The following MBNL2 variants were observed in gnomAD, a reference collection of about 807,000 sequenced individuals.
MBNL2 encodes muscleblind-like protein 2.
MBNL2 carries 17 observed loss-of-function variants against 41.9 expected under a neutral mutation model. The ratio of observed to expected loss-of-function variants is 0.41; its 90% CI spans 0.28 to 0.61. MBNL2 has a LOEUF of 0.61. MBNL2 is among the 20% of genes least tolerant of loss of function. The probability of loss-of-function intolerance (pLI) is 0.35; values close to 1 mark genes in which losing one functional copy is unlikely to be tolerated. For missense variants in MBNL2, 336 were observed against 505.6 expected (o/e 0.66, Z 3.22); for synonymous variants, 195 against 182.9 (o/e 1.07, Z -0.53).
intron 1 of MBNL2, among the ~76,000 whole-genome samples, chr13:97,247,526 C>T (rs2045704755): frequency 6.6e-6 from 1 of 152,190 alleles, no homozygotes; most frequent in African/African-American, 2.4e-5. Context: ...CTTCATTTCT[C>T]TCATACCTGT....
chr13:97,252,402 C>T (rs2046740843), intron 1 of MBNL2, among the ~76,000 whole-genome samples: 1 of 151,022 alleles, frequency 6.6e-6, no homozygotes, highest in African/African-American at 2.5e-5. Flanking sequence ...CATACCCATA[C>T]AGCCTCCCCA....
the MBNL2 span, among the ~76,000 whole-genome samples, chr13:97,203,550 C>T: frequency 4.6e-5 from 7 of 152,084 alleles, no homozygotes; most frequent in South Asian, 4.2e-4. Context: ...GCTGCGCTCA[C>T]GGGTAACTCT....
At chr13:97,175,191 A>T in the MBNL2 span, among the ~76,000 whole-genome samples, 1 of 151,974 alleles carries the variant, frequency 6.6e-6, no homozygotes. Context: ...TAAAAACTAC[A>T]CTGCAATCGT....
At chr13:97,211,487 T>A in the MBNL2 span, among the ~76,000 whole-genome samples, 8 of 152,230 alleles carry the variant, frequency 5.3e-5, no homozygotes, top group Non-Finnish European at 8.8e-5. Flanking sequence ...TTAGAATGAC[T>A]CAGTGAATAT....
chr13:97,156,463 C>T, the MBNL2 span, among the ~76,000 whole-genome samples: 2 of 139,870 alleles, frequency 1.4e-5, no homozygotes, highest in Non-Finnish European at 3.1e-5. Flanking sequence ...GACATGAAGT[C>T]CTTGCCCATG....
chr13:97,304,519 G>C (rs550990545), intron 2 of MBNL2, among the ~76,000 whole-genome samples: 44 of 152,206 alleles, frequency 2.9e-4, no homozygotes, highest in African/African-American at 1.0e-3. Flanking sequence ...CTCTGAACAA[G>C]AATGCAATGA....
chr13:97,151,944 C>G, the MBNL2 span, among the ~76,000 whole-genome samples: 1 of 152,164 alleles, frequency 6.6e-6, no homozygotes, highest in African/African-American at 2.4e-5. Context: ...CTACAAAGAT[C>G]TTCCAACAGC....
intron 2 of MBNL2, among the ~76,000 whole-genome samples, chr13:97,330,696 A>G (rs555248595): frequency 2.0e-5 from 3 of 152,220 alleles, no homozygotes; most frequent in Non-Finnish European, 4.4e-5. Flanking sequence ...TTTGATAACC[A>G]ACAGCTTTTG....
intron 2 of MBNL2, among the ~76,000 whole-genome samples, chr13:97,311,230 C>G (rs776115113): frequency 1.3e-4 from 20 of 152,168 alleles, no homozygotes; most frequent in Non-Finnish European, 2.9e-4. Flanking sequence ...CTCATTCAAG[C>G]AAACACAATG....
intron 8 of MBNL2, 38 bp downstream of exon 8, chr13:97,365,209 G>GT (rs749573565): frequency 7.7e-7 from 1 of 1,305,086 alleles, no homozygotes; most frequent in Non-Finnish European, 1.1e-6. Flanking sequence ...TTTATATGAT[G>GT]TACAATACCT....
At chr13:97,363,418 CTGTGTGTGTGTGTGTGTGTG>C (rs55745808) in intron 7 of MBNL2, among the ~76,000 whole-genome samples, 7 of 136,646 alleles carry the variant, frequency 5.1e-5, no homozygotes, top group African/African-American at 8.5e-5. Flanking sequence ...GAAAGAAAAA[CTGTGTGTGTGTGTGTGTGTG>C]TGTGTGTGTG....
chr13:97,242,923 A>G (rs1249743776), intron 1 of MBNL2, among the ~76,000 whole-genome samples: 1 of 152,226 alleles, frequency 6.6e-6, no homozygotes, highest in Admixed American at 6.5e-5. Flanking sequence ...AAGGAAAATG[A>G]AAGCCGACTG....
At chr13:97,254,744 A>G (rs1300558130) in intron 1 of MBNL2, among the ~76,000 whole-genome samples, 2 of 152,204 alleles carry the variant, frequency 1.3e-5, no homozygotes, top group African/African-American at 4.8e-5. Flanking sequence ...TAAATTTTTA[A>G]CAAAAACGGT....
intron 2 of MBNL2, among the ~76,000 whole-genome samples, chr13:97,290,307 G>A (rs549176766): frequency 1.7e-4 from 26 of 150,154 alleles, no homozygotes; most frequent in Admixed American, 1.6e-3. Context: ...AATACAGCAT[G>A]TTAGAAAGGA....
At chr13:97,182,714 T>C in the MBNL2 span, among the ~76,000 whole-genome samples, 1 of 152,224 alleles carries the variant, frequency 6.6e-6, no homozygotes, top group Admixed American at 6.5e-5. Context: ...GAAGATATGG[T>C]GAATTTTAGG....
chr13:97,166,892 G>T, the MBNL2 span, among the ~76,000 whole-genome samples: 1 of 147,286 alleles, frequency 6.8e-6, no homozygotes, highest in Non-Finnish European at 1.5e-5. Context: ...AGAGAACCTT[G>T]GCTAATACAA....
chr13:97,386,215 T>C (rs1217285106), intron 8 of MBNL2, among the ~76,000 whole-genome samples: 1 of 152,260 alleles, frequency 6.6e-6, no homozygotes, highest in Non-Finnish European at 1.5e-5. Context: ...TGATGTTGCC[T>C]GTAGCGTTGG....
intron 2 of MBNL2, among the ~76,000 whole-genome samples, chr13:97,321,261 G>C (rs2059477075): frequency 1.3e-5 from 2 of 152,216 alleles, no homozygotes; most frequent in African/African-American, 4.8e-5. Flanking sequence ...GCCAATCAGA[G>C]TGCACCACAG....
the MBNL2 span, among the ~76,000 whole-genome samples, chr13:97,159,773 G>C: frequency 7.9e-5 from 12 of 151,820 alleles, no homozygotes; most frequent in Non-Finnish European, 1.6e-4. Flanking sequence ...TCTGCTGTTA[G>C]TCTGATGGGC....
Sources: gnomAD v4.1 joint callset for allele counts (sites outside exome capture counted in the v4.1 genomes callset) on GRCh38, gnomAD v4.1.1 for gene constraint, MANE v1.5 for transcripts, NCBI Gene and HGNC (gene_info 2026-07-23, HGNC 2026-07-21) for gene names.